ATP8B1: variants seen among roughly 807,000 people sequenced by gnomAD.
ATP8B1 encodes phospholipid-transporting ATPase IC.
A neutral mutation model predicts 149.9 loss-of-function variants in ATP8B1; 80 were observed. The observed-to-expected ratio is 0.53, with a 90% confidence interval of 0.45 to 0.64. The LOEUF (loss-of-function observed/expected upper bound fraction) is 0.64, where lower values mean the gene tolerates loss of function less well. Ranked by LOEUF, ATP8B1 falls within the 30% of genes least tolerant of loss-of-function variation. The pLI is 0.00. For synonymous variants in ATP8B1, 536 were observed against 562.8 expected (o/e 0.95, Z 0.67); for missense variants, 1,247 against 1,552.6 (o/e 0.80, Z 3.31).
intron 4 of ATP8B1, 101 bp downstream of exon 4, chr18:57,704,454 T>C (rs972950375): frequency 4.8e-6 from 4 of 837,482 alleles, no homozygotes; most frequent in Non-Finnish European, 7.9e-6. Context: ...CTGATGCTAA[T>C]ATAAAACACT....
chr18:57,701,162 A>T (rs532463234), intron 5 of ATP8B1, 53 bp downstream of exon 5: 2 of 1,612,014 alleles, frequency 1.2e-6, no homozygotes, highest in Admixed American at 3.3e-5. Context: ...AAGGCACGAG[A>T]ACTTAAAGTC....
intron 15 of ATP8B1, among the ~76,000 whole-genome samples, chr18:57,677,010 CT>C (rs968901406): frequency 6.6e-6 from 1 of 152,074 alleles, no homozygotes; most frequent in Admixed American, 6.6e-5. Context: ...GATGCAGTCT[CT>C]TTTAGGAAAA....
chr18:57,674,854 C>T lies in ATP8B1; in HGVS notation c.1799G>A (p.Arg600Gln), dbSNP rs1202682161. 6 of 1,613,944 alleles carry T rather than the reference C, an allele frequency of 3.7e-6. No individual in the cohort carries two copies. The highest frequency in any genetic ancestry group is 1.1e-5 in the South Asian group (1 of 91,052). The change falls in exon 16 of 28, where the codon CGG becomes CAG. Residue 600 changes from arginine to glutamine, a missense_variant. Physicochemically the swap from Arg to Gln is conservative, Grantham distance 43 (BLOSUM62 1). Around this residue, in one of 3 missense-constraint regions of ATP8B1, gnomAD observed 853 missense variants for 1,035.7 expected, o/e 0.82. Coordinates refer to ENST00000648908, the MANE Select transcript of ATP8B1 (RefSeq NM_001374385.1). ...VLAILDFNSD[R>Q]KRMSIIVRTP... is the part of the protein sequence containing the mutation. ...CTTACCAATGATAGACATTCGCTTC[C>T]GGTCACTGTTGAAGTCCAAAATGGC...
chr18:57,777,472 A>G (rs2080315283), intron 1 of ATP8B1, among the ~76,000 whole-genome samples: 1 of 152,262 alleles, frequency 6.6e-6, no homozygotes, highest in African/African-American at 2.4e-5. Flanking sequence ...ATGATTTCTA[A>G]AAAGATAACC....
In ATP8B1 at chr18:57,669,388, G is replaced by A; in HGVS notation, c.2027C>T (p.Ala676Val). The A allele has an allele frequency of 3.1e-6, 5 of 1,613,830 alleles. No homozygotes were observed. The highest frequency in any genetic ancestry group is 3.4e-6 in the Non-Finnish European group (4 of 1,179,936). ...GTCCCGGTTGGTGGAGGCCACACTG[G>A]CAGCCATAAACTTTTTATTCCATTC... The part of the protein sequence containing the change: ...FTEWNKKFMA[A>V]SVASTNRDEA... Residue 676 changes from alanine (A) to valine (V), a missense_variant, in exon 18 of 28, where the codon GCC (alanine) becomes GTC (valine). By Grantham distance (64) the Ala-to-Val change is moderately conservative (BLOSUM62 0). Around this residue, in one of 3 missense-constraint regions of ATP8B1, gnomAD observed 853 missense variants for 1,035.7 expected, o/e 0.82. Transcript: ENST00000648908.
At chr18:57,740,602 T>C (rs1362799725) in intron 1 of ATP8B1, 4 of 139,894 alleles carry the variant, frequency 2.9e-5, no homozygotes, top group African/African-American at 1.1e-4. Context: ...TTGATTCAAG[T>C]TCTTGCTCTG....
At chr18:57,795,402 T>TA (rs1470623016) in intron 1 of ATP8B1, among the ~76,000 whole-genome samples, 37 of 152,060 alleles carry the variant, frequency 2.4e-4, no homozygotes, top group African/African-American at 7.7e-4. Flanking sequence ...GACCTTGTCT[T>TA]AAAAAAAATT....
At chr18:57,785,557 G>A (rs2080399277) in intron 1 of ATP8B1, among the ~76,000 whole-genome samples, 1 of 152,226 alleles carries the variant, frequency 6.6e-6, no homozygotes. Context: ...CCAGGCTGGA[G>A]TGCAGTGGTG....
At chr18:57,779,720 A>G (rs2080341233) in intron 1 of ATP8B1, among the ~76,000 whole-genome samples, 1 of 152,124 alleles carries the variant, frequency 6.6e-6, no homozygotes, top group African/African-American at 2.4e-5. Context: ...CAACATGGTG[A>G]AACCCCGTCT....
At chr18:57,693,432 G>A (rs1476737745) in intron 11 of ATP8B1, among the ~76,000 whole-genome samples, 1 of 152,150 alleles carries the variant, frequency 6.6e-6, no homozygotes, top group Non-Finnish European at 1.5e-5. Context: ...CATGGGCCGG[G>A]TGCAGTGGCT....
chr18:57,669,870 C>T (rs748381883), intron 17 of ATP8B1, among the ~76,000 whole-genome samples: 8 of 152,070 alleles, frequency 5.3e-5, no homozygotes, highest in East Asian at 3.9e-4. Context: ...CTTGAACTCA[C>T]GAGCTCATGT....
At chr18:57,787,219 C>T (rs2080418190) in intron 1 of ATP8B1, among the ~76,000 whole-genome samples, 1 of 152,224 alleles carries the variant, frequency 6.6e-6, no homozygotes, top group Admixed American at 6.5e-5. Context: ...CTTTAGTTCT[C>T]ACAACGGTCA....
chr18:57,754,941 A>G (rs1031563176), intron 1 of ATP8B1, among the ~76,000 whole-genome samples: 4 of 152,226 alleles, frequency 2.6e-5, no homozygotes, highest in African/African-American at 9.6e-5. Context: ...TCTGGAATTT[A>G]GAATATAATA....
chr18:57,741,632 T>C lies in ATP8B1; in HGVS notation c.-25-9800A>G, dbSNP rs565434955. Among the ~76,000 whole-genome samples the C allele has an allele frequency of 5.3e-5, 8 of 152,338 alleles. No homozygotes were observed. The South Asian group carries it at 6.2e-4, about 12-fold the overall frequency. On this transcript the variant is annotated intron_variant, in intron 1 of 27. Transcript: ENST00000648908. Reference sequence around the variant, plus strand: ...CACTTGATTCATGGAAACTGTGAGATAATAAATGCGTGTTGGTTTAAGCTG... The same window carrying C: ...CACTTGATTCATGGAAACTGTGAGACAATAAATGCGTGTTGGTTTAAGCTG...
chr18:57,705,107 T>C (rs1043256393), intron 3 of ATP8B1, among the ~76,000 whole-genome samples: 10 of 152,258 alleles, frequency 6.6e-5, no homozygotes, highest in South Asian at 2.1e-4. Flanking sequence ...GATACTGATA[T>C]TTCTTTTAAG....
chr18:57,722,945 T>C (rs1173447346), intron 2 of ATP8B1, among the ~76,000 whole-genome samples: 2 of 150,664 alleles, frequency 1.3e-5, no homozygotes, highest in Non-Finnish European at 3.0e-5. Flanking sequence ...TGGTTCAATA[T>C]ACGCAAATCG....
chr18:57,702,506 A>G (rs1378672205), intron 4 of ATP8B1, among the ~76,000 whole-genome samples: 1 of 152,238 alleles, frequency 6.6e-6, no homozygotes, highest in Non-Finnish European at 1.5e-5. Context: ...TGACAACACA[A>G]GTTAAGAAGC....
chr18:57,661,064 T>C, intron 22 of ATP8B1, 110 bp downstream of exon 22: 5 of 1,417,928 alleles, frequency 3.5e-6, no homozygotes, highest in Admixed American at 2.0e-5. Context: ...ATCTGCTCTA[T>C]GAAAACCTAA....
chr18:57,701,971 T>C (rs1402687699), intron 4 of ATP8B1, among the ~76,000 whole-genome samples: 2 of 152,316 alleles, frequency 1.3e-5, no homozygotes, highest in East Asian at 3.9e-4. Flanking sequence ...GTGCCGGGAT[T>C]ACAGGTGTGA....
Sources: gnomAD v4.1 joint callset for allele counts (sites outside exome capture counted in the v4.1 genomes callset) on GRCh38, gnomAD v4.1.1 for gene constraint, gnomAD v4.1.1 regional missense constraint, MANE v1.5 for transcripts, NCBI Gene and HGNC (gene_info 2026-07-23, HGNC 2026-07-21) for gene names.